FAM53B: variants seen among roughly 807,000 people sequenced by gnomAD.
FAM53B encodes the protein protein FAM53B.
FAM53B carries 12 observed loss-of-function variants against 32.7 expected under a neutral mutation model. The observed-to-expected ratio is 0.37, with a 90% CI of 0.24 to 0.59. The LOEUF (loss-of-function observed/expected upper bound fraction) is 0.59. Ranked by LOEUF, FAM53B falls within the 20% of genes least tolerant of loss-of-function variation. FAM53B has a pLI of 0.72. For missense variants in FAM53B, 477 were observed against 577.7 expected, an observed-to-expected ratio of 0.83 and a Z score of 1.79; for synonymous variants, 234 against 228.7, an observed-to-expected ratio of 1.02 and a Z score of -0.21.
Position 124,621,999 on chromosome 10 carries a change from A to G in FAM53B, c.*1243T>C, listed in dbSNP as rs1460109354. The G allele has an allele frequency of 6.6e-6, 1 of 152,470 alleles. No homozygotes were observed. The highest frequency in any genetic ancestry group is 2.4e-5 in the African/African-American group (1 of 41,454). 9.4% of individuals were successfully genotyped at this position (152,470 alleles called of 1,614,324 possible). A position where few individuals can be genotyped will look rare whatever the true frequency, so the allele number is the denominator to read the frequency against. ...AGCTACAAACCTTGAGAGGAGAGCAAACCCTCAGGGGGCTAGGCTCCTCGG... is the reference window on the plus strand; with the variant it reads ...AGCTACAAACCTTGAGAGGAGAGCAGACCCTCAGGGGGCTAGGCTCCTCGG... On this transcript the variant is annotated 3_prime_UTR_variant, in exon 5 of 5. Transcript: ENST00000337318.
chr10:124,643,684 G>A (rs991177729), intron 4 of FAM53B, among the ~76,000 whole-genome samples: 3 of 152,362 alleles, frequency 2.0e-5, no homozygotes, highest in East Asian at 3.9e-4. Flanking sequence ...CTGCATTCAC[G>A]GCCCGGAGCT....
chr10:124,704,792 T>C (rs561215938), intron 2 of FAM53B, among the ~76,000 whole-genome samples: 1 of 152,332 alleles, frequency 6.6e-6, no homozygotes, highest in Admixed American at 6.5e-5. Flanking sequence ...CAGCTCTGAC[T>C]GGGATTCTCT....
chr10:124,672,600 G>A (rs1422218369), intron 4 of FAM53B, among the ~76,000 whole-genome samples: 1 of 152,254 alleles, frequency 6.6e-6, no homozygotes, highest in Admixed American at 6.5e-5. Flanking sequence ...AGCGTGACAA[G>A]CGCTAGAAAC....
At chr10:124,664,823 G>C (rs1303705950) in intron 4 of FAM53B, among the ~76,000 whole-genome samples, 1 of 152,218 alleles carries the variant, frequency 6.6e-6, no homozygotes, top group Non-Finnish European at 1.5e-5. Context: ...AGCTGCCCAG[G>C]GCAGAAGTCC....
At chr10:124,701,637 G>C (rs183265376) in intron 2 of FAM53B, among the ~76,000 whole-genome samples, 4 of 152,354 alleles carry the variant, frequency 2.6e-5, no homozygotes, top group Admixed American at 1.3e-4. Context: ...CCTTCCAGGG[G>C]AGCAGCTAAT....
intron 4 of FAM53B, among the ~76,000 whole-genome samples, chr10:124,626,954 G>T (rs1949359723): frequency 6.6e-6 from 1 of 152,262 alleles, no homozygotes; most frequent in South Asian, 2.1e-4. Context: ...AGCAGGGGGA[G>T]TCTACAAGGA....
chr10:124,686,256 T>C (rs1019971870), intron 3 of FAM53B, among the ~76,000 whole-genome samples: 1 of 152,214 alleles, frequency 6.6e-6, no homozygotes, highest in African/African-American at 2.4e-5. Context: ...TGCTGGGCCT[T>C]GAGGTAACTA....
chr10:124,638,916 G>A (rs1830810630), intron 4 of FAM53B, among the ~76,000 whole-genome samples: 2 of 152,198 alleles, frequency 1.3e-5, no homozygotes, highest in Admixed American at 6.5e-5. Context: ...AGTGAGTGGT[G>A]GGGACAAAGT....
In FAM53B at chr10:124,699,890, T is replaced by A. The variant is rs1006747385; in HGVS notation, c.79-3678A>T. On this transcript the variant is annotated intron_variant, in intron 2 of 4. Coordinates refer to ENST00000337318, the MANE Select transcript of FAM53B (RefSeq NM_014661.4). Reference sequence around the variant, plus strand: ...CTCCCAGCTGCTCCCACCCTGCCCTTTCTGAGGCCCGACTGGCCCCCTCCT... The same window carrying A: ...CTCCCAGCTGCTCCCACCCTGCCCTATCTGAGGCCCGACTGGCCCCCTCCT... Among the ~76,000 whole-genome samples the A allele has an allele frequency of 2.0e-5, 3 of 152,192 alleles. No individual in the cohort carries two copies. The South Asian group carries it at 6.2e-4, about 32-fold the overall frequency.
intron 4 of FAM53B, among the ~76,000 whole-genome samples, chr10:124,659,343 A>T (rs1949614538): frequency 6.6e-6 from 1 of 152,264 alleles, no homozygotes; most frequent in South Asian, 2.1e-4. Context: ...ACTGATCAGC[A>T]GCTTTTCCTC....
At chr10:124,711,231 TAGG>T (rs1950001255) in intron 1 of FAM53B, among the ~76,000 whole-genome samples, 1 of 152,178 alleles carries the variant, frequency 6.6e-6, no homozygotes, top group South Asian at 2.1e-4. Flanking sequence ...CTCACTATTC[TAGG>T]AGTCCATTTA....
intron 3 of FAM53B, among the ~76,000 whole-genome samples, chr10:124,693,011 G>A (rs1949844696): frequency 6.6e-6 from 1 of 152,174 alleles, no homozygotes; most frequent in Non-Finnish European, 1.5e-5. Context: ...GAATTCCACT[G>A]ATCAGCACCA....
intron 1 of FAM53B, among the ~76,000 whole-genome samples, chr10:124,718,150 G>A (rs899227780): frequency 5.9e-5 from 9 of 152,058 alleles, no homozygotes; most frequent in Admixed American, 5.2e-4. Context: ...ACCGGTCTAA[G>A]ACTATATCAC....
chr10:124,624,268 G>A (rs1949331158), intron 4 of FAM53B, among the ~76,000 whole-genome samples: 1 of 152,196 alleles, frequency 6.6e-6, no homozygotes, highest in Non-Finnish European at 1.5e-5. Flanking sequence ...GGCTAGAAGG[G>A]GCCGAGCTGA....
At chr10:124,724,160 A>T (rs1057441572) in intron 1 of FAM53B, among the ~76,000 whole-genome samples, 4 of 152,242 alleles carry the variant, frequency 2.6e-5, no homozygotes. Context: ...GGAGGTAAAG[A>T]TCTGGGGAGA....
intron 2 of FAM53B, among the ~76,000 whole-genome samples, chr10:124,704,639 G>A (rs1222647642): frequency 2.0e-5 from 3 of 152,204 alleles, no homozygotes; most frequent in East Asian, 3.8e-4. Flanking sequence ...AGTGGGGACC[G>A]AGCAGAGGGG....
intron 1 of FAM53B, among the ~76,000 whole-genome samples, chr10:124,725,420 C>A (rs1416064157): frequency 1.3e-5 from 2 of 152,184 alleles, no homozygotes; most frequent in Non-Finnish European, 2.9e-5. Context: ...CTATTTCCCA[C>A]CACTGCACGG....
chr10:124,679,306 G>A (rs1296069009), intron 4 of FAM53B, among the ~76,000 whole-genome samples: 1 of 152,136 alleles, frequency 6.6e-6, no homozygotes, highest in African/African-American at 2.4e-5. Flanking sequence ...TGGGGTCTGT[G>A]GCCAGTGGTC....
At chr10:124,631,149 G>A (rs1020695864) in intron 4 of FAM53B, among the ~76,000 whole-genome samples, 5 of 152,178 alleles carry the variant, frequency 3.3e-5, no homozygotes, top group African/African-American at 7.2e-5. Flanking sequence ...TGCTGTCCCC[G>A]CTCTGGTGGC....
Sources: allele counts gnomAD v4.1 joint callset (sites outside exome capture counted in the v4.1 genomes callset), GRCh38; gene constraint gnomAD v4.1.1; transcripts MANE v1.5; gene names NCBI Gene and HGNC (gene_info 2026-07-23, HGNC 2026-07-21).